RBFOX1: variants seen among roughly 807,000 people sequenced by gnomAD.
RBFOX1 encodes RNA binding protein fox-1 homolog 1.
In RBFOX1, 8 loss-of-function variants were observed where a neutral mutation model predicts 57.7. The observed-to-expected ratio is 0.14, with a 90% confidence interval of 0.08 to 0.25. The LOEUF (loss-of-function observed/expected upper bound fraction) is 0.25, where lower values mean the gene tolerates loss of function less well. Ranked by LOEUF, RBFOX1 falls within the 10% of genes least tolerant of loss-of-function variation. The pLI is 1.00. For synonymous variants in RBFOX1, 326 were observed against 222.4 expected (o/e 1.47, Z -4.15); for missense variants, 611 against 548.5 (o/e 1.11, Z -1.14).
chr16:6,425,325 A>G (rs1369689948), intron 2 of RBFOX1, among the ~76,000 whole-genome samples: 1 of 152,130 alleles, frequency 6.6e-6, no homozygotes, highest in African/African-American at 2.4e-5. Flanking sequence ...AAGGAGGAAT[A>G]CTCTAAAATC....
At chr16:6,876,400 T>C (rs2061853699) in intron 3 of RBFOX1, among the ~76,000 whole-genome samples, 1 of 147,738 alleles carries the variant, frequency 6.8e-6, no homozygotes, top group Non-Finnish European at 1.5e-5. Flanking sequence ...GCCTATGTTC[T>C]ATGAAGTAAA....
intron 2 of RBFOX1, among the ~76,000 whole-genome samples, chr16:6,515,915 G>A (rs1027092322): frequency 6.6e-6 from 1 of 152,120 alleles, no homozygotes; most frequent in Non-Finnish European, 1.5e-5. Flanking sequence ...GACTCTCCTA[G>A]ATGGAATGAG....
chr16:6,128,995 C>G (rs1039416858), intron 1 of RBFOX1, among the ~76,000 whole-genome samples: 5 of 152,156 alleles, frequency 3.3e-5, no homozygotes, highest in African/African-American at 1.2e-4. Context: ...ACAACAGGAT[C>G]AAATGACACT....
At chr16:6,731,754 C>A (rs529178854) in intron 3 of RBFOX1, among the ~76,000 whole-genome samples, 477 of 152,128 alleles carry the variant, frequency 3.1e-3, no homozygotes, top group Admixed American at 6.4e-3. Flanking sequence ...TTACAGGATG[C>A]TTTTTTCTTC....
chr16:6,460,310 G>A (rs2094887140), intron 2 of RBFOX1, among the ~76,000 whole-genome samples: 1 of 151,902 alleles, frequency 6.6e-6, no homozygotes, highest in African/African-American at 2.4e-5. Flanking sequence ...TGGTCATAGT[G>A]GACAACCTAT....
At chr16:6,939,803 T>G (rs564541962) in intron 3 of RBFOX1, among the ~76,000 whole-genome samples, 2 of 152,266 alleles carry the variant, frequency 1.3e-5, no homozygotes, top group Non-Finnish European at 2.9e-5. Flanking sequence ...TCAGCCATCA[T>G]GCTGGACCAG....
intron 4 of RBFOX1, among the ~76,000 whole-genome samples, chr16:7,296,044 G>A (rs148735509): frequency 4.3e-4 from 66 of 151,770 alleles, no homozygotes; most frequent in Admixed American, 1.8e-3. Flanking sequence ...AAGTATTGTT[G>A]ATACTTGTTG....
intron 1 of RBFOX1, among the ~76,000 whole-genome samples, chr16:5,416,990 C>T (rs1371923220): frequency 2.0e-5 from 3 of 152,168 alleles, no homozygotes; most frequent in East Asian, 1.9e-4. Flanking sequence ...AAACCCAGCC[C>T]GCTGAAAATG....
chr16:7,380,181 T>C (rs2097762427), intron 4 of RBFOX1, among the ~76,000 whole-genome samples: 1 of 152,218 alleles, frequency 6.6e-6, no homozygotes, highest in Non-Finnish European at 1.5e-5. Flanking sequence ...TGTATACCTT[T>C]TGGTATGTCT....
chr16:5,507,911 C>A (rs2043434285), intron 2 of RBFOX1, among the ~76,000 whole-genome samples: 1 of 152,104 alleles, frequency 6.6e-6, no homozygotes, highest in African/African-American at 2.4e-5. Flanking sequence ...GAGTTCTGCC[C>A]TCCAGCATGA....
intron 3 of RBFOX1, among the ~76,000 whole-genome samples, chr16:6,779,026 ACTACT>A (rs962322100): frequency 5.9e-5 from 9 of 151,924 alleles, no homozygotes; most frequent in African/African-American, 2.2e-4. Context: ...TTCCAAAACT[ACTACT>A]CTAGTTATTT....
intron 5 of RBFOX1, among the ~76,000 whole-genome samples, chr16:7,563,690 C>A (rs8051894): frequency 2.0e-5 from 3 of 152,028 alleles, no homozygotes; most frequent in Non-Finnish European, 2.9e-5. Context: ...GACTGGTCTC[C>A]AACTCCTGAC....
At chr16:5,550,127 A>G (rs565537720) in intron 2 of RBFOX1, among the ~76,000 whole-genome samples, 1 of 152,334 alleles carries the variant, frequency 6.6e-6, no homozygotes, top group African/African-American at 2.4e-5. Context: ...GAACAAATTC[A>G]CATCTTCCAA....
intron 4 of RBFOX1, among the ~76,000 whole-genome samples, chr16:7,236,345 A>C (rs983255384): frequency 2.0e-5 from 3 of 152,132 alleles, no homozygotes; most frequent in East Asian, 1.9e-4. Flanking sequence ...TGTATGCAAA[A>C]AGTAGAACAT....
intron 2 of RBFOX1, among the ~76,000 whole-genome samples, chr16:5,526,775 T>G (rs956144057): frequency 6.6e-6 from 1 of 152,312 alleles, no homozygotes; most frequent in African/African-American, 2.4e-5. Flanking sequence ...ACCTACTGCC[T>G]GGCACACACT....
chr16:6,741,002 G>T (rs939133278), intron 3 of RBFOX1, among the ~76,000 whole-genome samples: 5 of 152,134 alleles, frequency 3.3e-5, no homozygotes, highest in Non-Finnish European at 7.4e-5. Context: ...TCGCTATGTG[G>T]TATTTGCTTA....
At chr16:6,290,668 G>A (rs560308602) in intron 1 of RBFOX1, among the ~76,000 whole-genome samples, 1 of 152,298 alleles carries the variant, frequency 6.6e-6, no homozygotes, top group South Asian at 2.1e-4. Flanking sequence ...TTACGTATCA[G>A]GTGTTCAGTG....
chr16:6,963,336 T>G (rs1045324347), intron 3 of RBFOX1, among the ~76,000 whole-genome samples: 2 of 152,148 alleles, frequency 1.3e-5, no homozygotes, highest in Non-Finnish European at 2.9e-5. Context: ...GGTTCTCAGC[T>G]TTGAGATAAT....
At chr16:7,563,466 GT>G (rs750569450) in intron 5 of RBFOX1, among the ~76,000 whole-genome samples, 2 of 152,052 alleles carry the variant, frequency 1.3e-5, no homozygotes, top group African/African-American at 4.8e-5. Context: ...ATATATACAT[GT>G]TTTTTTCTTT....
Sources: gnomAD v4.1 joint callset for allele counts (sites outside exome capture counted in the v4.1 genomes callset) on GRCh38, gnomAD v4.1.1 for gene constraint, MANE v1.5 for transcripts, NCBI Gene and HGNC (gene_info 2026-07-23, HGNC 2026-07-21) for gene names.